Variants in ERC1 observed in about 807,000 individuals in gnomAD.
ERC1 encodes ELKS/RAB6-interacting/CAST family member 1, also known as RAB6 interacting protein 2.
In ERC1, 56 loss-of-function variants were observed where a neutral mutation model predicts 132.0. The ratio of observed to expected loss-of-function variants is 0.42; its 90% CI spans 0.34 to 0.53. The LOEUF (loss-of-function observed/expected upper bound fraction) is 0.53. Ranked by LOEUF, ERC1 falls within the 20% of genes least tolerant of loss-of-function variation. The probability of loss-of-function intolerance (pLI) is 0.03; values close to 1 mark genes in which losing one functional copy is unlikely to be tolerated. For missense variants in ERC1, 1,202 were observed against 1,349.9 expected (o/e 0.89, Z 1.72); for synonymous variants, 478 against 476.1 (o/e 1.00, Z -0.05).
chr12:1,279,836 C>T (rs529055430), intron 14 of ERC1, among the ~76,000 whole-genome samples: 109 of 152,204 alleles, frequency 7.2e-4, no homozygotes, highest in Non-Finnish European at 9.6e-4. Context: ...GCTGGGACTA[C>T]AGGCGTGCGC....
chr12:1,160,223 A>G (rs951664767), intron 8 of ERC1, among the ~76,000 whole-genome samples: 2 of 152,198 alleles, frequency 1.3e-5, no homozygotes, highest in African/African-American at 2.4e-5. Flanking sequence ...ATACTTTCGT[A>G]TAGACAATAA....
intron 2 of ERC1, among the ~76,000 whole-genome samples, chr12:1,074,100 G>T (rs1009481353): frequency 9.2e-5 from 14 of 151,920 alleles, no homozygotes; most frequent in African/African-American, 3.4e-4. Flanking sequence ...TTGACCTCGT[G>T]ATCTGCCCGC....
intron 18 of ERC1, among the ~76,000 whole-genome samples, chr12:1,445,532 G>A (rs1257559010): frequency 6.6e-6 from 1 of 152,078 alleles, no homozygotes; most frequent in Admixed American, 6.6e-5. Context: ...CGCCCGGCCA[G>A]TTGTACGCTA....
chr12:1,332,125 C>G (rs934732363), intron 15 of ERC1, among the ~76,000 whole-genome samples: 1 of 152,022 alleles, frequency 6.6e-6, no homozygotes, highest in Non-Finnish European at 1.5e-5. Flanking sequence ...ATTTTTTACT[C>G]TGTATTTTTT....
At chr12:1,040,894 G>A (rs1565842594) in intron 2 of ERC1, among the ~76,000 whole-genome samples, 2 of 152,032 alleles carry the variant, frequency 1.3e-5, no homozygotes, top group Non-Finnish European at 2.9e-5. Flanking sequence ...CAGAGAATGT[G>A]GTATGCAAAG....
chr12:1,151,289 T>G (rs1408708054), intron 8 of ERC1, among the ~76,000 whole-genome samples: 1 of 152,170 alleles, frequency 6.6e-6, no homozygotes, highest in African/African-American at 2.4e-5. Flanking sequence ...TTCGGAACAT[T>G]AAGGTTGTAT....
chr12:1,001,597 TTTAGTTTTGGC>T (rs1233333603), intron 1 of ERC1, among the ~76,000 whole-genome samples: 4 of 152,154 alleles, frequency 2.6e-5, no homozygotes, highest in African/African-American at 9.7e-5. Flanking sequence ...TGTAGACCTT[TTTAGTTTTGGC>T]TTAGTTTTGA....
At position 1,435,720 on chromosome 12, in the gene ERC1, C is replaced by G. The variant is rs1392517039; in HGVS notation, c.3025-8842C>G. ...CCCCGTGCATTCTTAAACACCAAATCACAACCATTTCTCACCTGCTGAAGT... is the reference window on the plus strand; with the variant it reads ...CCCCGTGCATTCTTAAACACCAAATGACAACCATTTCTCACCTGCTGAAGT... On this transcript the variant is annotated intron_variant, in intron 17 of 18. Transcript: ENST00000360905. 4.6e-5 allele frequency among the ~76,000 whole-genome samples: 7 copies of G among 152,192 alleles called. No individual in the cohort carries two copies. In the East Asian group the frequency reaches 1.2e-3, roughly 25 times the overall value.
intron 12 of ERC1, among the ~76,000 whole-genome samples, chr12:1,207,616 A>C (rs1251412367): frequency 6.6e-6 from 1 of 152,188 alleles, no homozygotes; most frequent in African/African-American, 2.4e-5. Context: ...TGAATAACTC[A>C]TTGGTGGGAA....
chr12:1,004,012 A>G (rs1237149751), intron 1 of ERC1, among the ~76,000 whole-genome samples: 2 of 152,184 alleles, frequency 1.3e-5, no homozygotes, highest in South Asian at 4.1e-4. Flanking sequence ...CCAGGATGCC[A>G]TGAGAAACTG....
At chr12:1,052,653 T>C (rs541007308) in intron 2 of ERC1, among the ~76,000 whole-genome samples, 7 of 152,136 alleles carry the variant, frequency 4.6e-5, no homozygotes, top group Admixed American at 2.6e-4. Context: ...AGAAAAAACA[T>C]TAAAAAGTAT....
intron 2 of ERC1, among the ~76,000 whole-genome samples, chr12:1,063,283 T>A (rs1228165754): frequency 6.6e-6 from 1 of 151,026 alleles, no homozygotes; most frequent in Non-Finnish European, 1.5e-5. Flanking sequence ...GTTTTTGAGA[T>A]GGAATATTGC....
chr12:1,104,218 A>T (rs962379751), intron 3 of ERC1, among the ~76,000 whole-genome samples: 1 of 152,022 alleles, frequency 6.6e-6, no homozygotes, highest in South Asian at 2.1e-4. Context: ...TTTCTTCCTA[A>T]CTGTAGCACC....
chr12:1,348,849 T>C (rs2084732575), intron 15 of ERC1, among the ~76,000 whole-genome samples: 1 of 152,210 alleles, frequency 6.6e-6, no homozygotes, highest in Non-Finnish European at 1.5e-5. Context: ...TTCCTCTGTT[T>C]TATGATTCAC....
intron 14 of ERC1, among the ~76,000 whole-genome samples, chr12:1,263,500 G>T (rs555237728): frequency 6.6e-6 from 1 of 152,254 alleles, no homozygotes; most frequent in Admixed American, 6.5e-5. Flanking sequence ...AGTTGTATGA[G>T]AATTGACTCA....
At chr12:1,356,728 T>C (rs1428838863) in intron 15 of ERC1, among the ~76,000 whole-genome samples, 1 of 152,126 alleles carries the variant, frequency 6.6e-6, no homozygotes, top group African/African-American at 2.4e-5. Flanking sequence ...CTAGAACCTA[T>C]AGGAGGATGC....
intron 2 of ERC1, among the ~76,000 whole-genome samples, chr12:1,051,477 G>A (rs1022842258): frequency 2.7e-5 from 4 of 150,754 alleles, no homozygotes; most frequent in Non-Finnish European, 5.9e-5. Flanking sequence ...ATCACTTGAG[G>A]CGAGGAGTTT....
intron 17 of ERC1, among the ~76,000 whole-genome samples, chr12:1,426,729 C>A (rs2154402144): frequency 6.6e-6 from 1 of 152,262 alleles, no homozygotes; most frequent in South Asian, 2.1e-4. Context: ...TATCATATCA[C>A]TGGAATGCTG....
intron 16 of ERC1, 59 bp from the exon 17 acceptor site, chr12:1,408,090 T>C: frequency 1.7e-6 from 2 of 1,181,052 alleles, no homozygotes; most frequent in South Asian, 1.3e-5. Context: ...TACTCGTTAC[T>C]TTACAGTGTG....
Sources: gnomAD v4.1 joint callset for allele counts (sites outside exome capture counted in the v4.1 genomes callset) on GRCh38, gnomAD v4.1.1 for gene constraint, MANE v1.5 for transcripts, NCBI Gene and HGNC (gene_info 2026-07-23, HGNC 2026-07-21) for gene names.